The following FNDC1 variants were observed in gnomAD, a reference collection of about 807,000 sequenced individuals.
The protein encoded by FNDC1 is fibronectin type III domain containing 1.
FNDC1 carries 96 observed loss-of-function variants against 168.0 expected under a neutral mutation model. The ratio of observed to expected loss-of-function variants is 0.57; its 90% CI spans 0.48 to 0.68. The LOEUF (loss-of-function observed/expected upper bound fraction) is 0.68. FNDC1 is among the 30% of genes least tolerant of loss of function. The pLI, the probability that FNDC1 is intolerant of heterozygous loss-of-function variation, is 0.00. For synonymous variants in FNDC1, 1,099 were observed against 1,025.9 expected (o/e 1.07, Z -1.36); for missense variants, 2,587 against 2,482.1 (o/e 1.04, Z -0.90).
intron 13 of FNDC1, among the ~76,000 whole-genome samples, chr6:159,239,284 C>CT (rs1783344484): frequency 6.6e-6 from 1 of 152,190 alleles, no homozygotes; most frequent in Admixed American, 6.5e-5. Context: ...CAAAGTAACA[C>CT]TTTTCCCCCT....
chr6:159,222,705 TCAC>T (rs1562643189), intron 6 of FNDC1, among the ~76,000 whole-genome samples: 1 of 152,226 alleles, frequency 6.6e-6, no homozygotes, highest in African/African-American at 2.4e-5. Flanking sequence ...TGTCTTGGAC[TCAC>T]ACCTTCTAAA....
intron 1 of FNDC1, among the ~76,000 whole-genome samples, chr6:159,181,461 G>A (rs987416070): frequency 6.6e-6 from 1 of 152,188 alleles, no homozygotes; most frequent in African/African-American, 2.4e-5. Flanking sequence ...CTGCGGGCAG[G>A]GCACTGTGCT....
In FNDC1 at chr6:159,239,801, A is replaced by G; in HGVS notation, c.4465A>G (p.Thr1489Ala). The G allele has an allele frequency of 5.2e-6, 8 of 1,546,036 alleles. No homozygotes were observed. Among genetic ancestry groups the G allele is most frequent in the Non-Finnish European group, 7.0e-6 (8 of 1,143,066 alleles). Reference sequence around the variant, plus strand: ...CCGCACGACCACCAGGCGTCCAACAACCACAGTCCGAACCACTACGCGGAC... The same window carrying G: ...CCGCACGACCACCAGGCGTCCAACAGCCACAGTCCGAACCACTACGCGGAC... ...TRRTTTRRPT[T>A]TVRTTTRTTT... is the part of the protein sequence containing the mutation. The change falls in exon 14 of 23, where the codon ACC (threonine) becomes GCC (alanine). Residue 1489 changes from threonine (T) to alanine (A), a missense_variant. Coordinates refer to ENST00000297267, the MANE Select transcript of FNDC1 (RefSeq NM_032532.3).
At chr6:159,197,379 C>T (rs746663060) in intron 1 of FNDC1, 52 bp from the exon 2 acceptor site, 30 of 1,493,658 alleles carry the variant, frequency 2.0e-5, no homozygotes, top group Non-Finnish European at 2.4e-5. Flanking sequence ...TAAAAAAATT[C>T]GTTTTCCCAA....
chr6:159,258,543 T>C (rs531341426), intron 18 of FNDC1, among the ~76,000 whole-genome samples: 2 of 152,082 alleles, frequency 1.3e-5, no homozygotes, highest in Non-Finnish European at 2.9e-5. Flanking sequence ...AGGAGGCCGA[T>C]TGGGAGGAAG....
At position 159,234,511 on chromosome 6, in the gene FNDC1, AGGTGTTCAGT is replaced by A. The variant is rs763357742; in HGVS notation, c.3967+41_3967+50del. 44 of 1,606,422 alleles carry A rather than the reference AGGTGTTCAGT, an allele frequency of 2.7e-5. No individual in the cohort carries two copies. The Admixed American group carries it at 4.0e-4, about 15-fold the overall frequency. ...TATTTTTTCAAACAGTCTTTCTTTAAGGTGTTCAGTGGTGTTCATGGCAATGCCTAAGAAG... is the reference window on the plus strand; with the variant it reads ...TATTTTTTCAAACAGTCTTTCTTTAAGGTGTTCATGGCAATGCCTAAGAAG... On this transcript the variant is annotated intron_variant, in intron 11 of 22. Coordinates refer to ENST00000297267, the MANE Select transcript of FNDC1 (RefSeq NM_032532.3).
rs1782276103 is a variant in FNDC1 at position 159,197,596 on chromosome 6, A to G, written c.275A>G (p.Glu92Gly). The change falls in exon 2 of 23, where the codon GAG (glutamate) becomes GGG (glycine). Residue 92 changes from glutamate (E) to glycine (G), a missense_variant. Coordinates refer to ENST00000297267, the MANE Select transcript of FNDC1 (RefSeq NM_032532.3). The stretch of plus-strand genomic sequence containing the variant: ...CTTAAATACATCAAGGTGAATGCGG[A>G]GACATACTCCTTCCTTATTGAGGAT... ...KSLKYIKVNA[E>G]TYSFLIEDVE... 6.2e-7 allele frequency: 1 copy of G among 1,613,134 alleles called. No homozygotes were observed. Among genetic ancestry groups the G allele is most frequent in the South Asian group, 1.1e-5 (1 of 90,854 alleles).
At chr6:159,200,122 T>C (rs1318612673) in intron 3 of FNDC1, 40 bp downstream of exon 3, 1 of 1,423,434 alleles carries the variant, frequency 7.0e-7, no homozygotes, top group Admixed American at 1.9e-5. Context: ...GTGTTGTTAC[T>C]TAGATTGGGA....
intron 1 of FNDC1, among the ~76,000 whole-genome samples, chr6:159,194,820 G>A (rs1782211029): frequency 6.6e-6 from 1 of 152,146 alleles, no homozygotes. Context: ...CACTGCGGGT[G>A]AGAGGCAGGG....
chr6:159,223,689 T>G (rs758294095), intron 7 of FNDC1, 44 bp downstream of exon 7: 1 of 1,143,016 alleles, frequency 8.7e-7, no homozygotes, highest in East Asian at 2.4e-5. Context: ...AGAGATGGGG[T>G]TTTTCTGGCC....
intron 22 of FNDC1, among the ~76,000 whole-genome samples, chr6:159,270,810 G>T (rs1164900666): frequency 6.6e-6 from 1 of 152,188 alleles, no homozygotes; most frequent in South Asian, 2.1e-4. Context: ...TGTAAGAATG[G>T]GGCAGGAATC....
intron 18 of FNDC1, among the ~76,000 whole-genome samples, chr6:159,258,487 C>T (rs1421753484): frequency 6.6e-6 from 1 of 152,122 alleles, no homozygotes; most frequent in Non-Finnish European, 1.5e-5. Flanking sequence ...AGGCTGTGCT[C>T]CCAGCAGAGA....
At chr6:159,238,499 A>G (rs1241569133) in intron 12 of FNDC1, 55 bp from the exon 13 acceptor site, 32 of 1,231,514 alleles carry the variant, frequency 2.6e-5, no homozygotes, top group Non-Finnish European at 3.6e-5. Flanking sequence ...TAATTGGACT[A>G]ATGTGATCAT....
At chr6:159,258,617 C>T (rs1777420354) in intron 18 of FNDC1, among the ~76,000 whole-genome samples, 1 of 152,216 alleles carries the variant, frequency 6.6e-6, no homozygotes, top group Admixed American at 6.5e-5. Flanking sequence ...ACGCTCAGTG[C>T]CTTGAGGCAG....
intron 5 of FNDC1, 129 bp from the exon 6 acceptor site, chr6:159,221,468 TA>T: frequency 1.4e-6 from 1 of 694,598 alleles, no homozygotes. Flanking sequence ...GAAGTGGGAA[TA>T]CCCCCAGAAA....
chr6:159,223,462 C>G, intron 6 of FNDC1, 66 bp from the exon 7 acceptor site: 1 of 939,886 alleles, frequency 1.1e-6, no homozygotes, highest in South Asian at 1.5e-5. Context: ...CTGTCAAGGA[C>G]TGAGGAGCTC....
chr6:159,217,705 G>A (rs903171717), intron 5 of FNDC1, among the ~76,000 whole-genome samples: 14 of 152,280 alleles, frequency 9.2e-5, no homozygotes, highest in African/African-American at 3.4e-4. Flanking sequence ...GGTGGCGTAG[G>A]CAGCCGAGAG....
Position 159,232,859 on chromosome 6 carries a change from G to C in FNDC1, c.2347G>C (p.Ala783Pro), listed in dbSNP as rs146014542. The C allele has an allele frequency of 1.4e-3, 2,198 of 1,613,716 alleles. 1 individual carries two copies. Among genetic ancestry groups the C allele is most frequent in the Non-Finnish European group, 1.7e-3 (1,960 of 1,179,884 alleles). ...GACGCAGGTCTCTGAGGGAGCGGAG[G>C]CTTCTGATGGTGAAAGCCACGGTGA... is the stretch of plus-strand genomic sequence containing the variant. Reference protein sequence around the residue: ...SRTQVSEGAEASDGESHGDGD... With the variant: ...SRTQVSEGAEPSDGESHGDGD... Residue 783 changes from alanine (A) to proline (P), a missense_variant, in exon 11 of 23, where the codon GCT (alanine) becomes CCT (proline). Coordinates refer to ENST00000297267, the MANE Select transcript of FNDC1 (RefSeq NM_032532.3). This position sits in a 1 kb window ranked among gnomAD's most constrained non-coding sequence, Gnocchi z 4.9.
In FNDC1 at chr6:159,189,558, A is replaced by G. The variant is rs376711331; in HGVS notation, c.110-7873A>G. On this transcript the variant is annotated intron_variant, in intron 1 of 22. Coordinates refer to ENST00000297267, the MANE Select transcript of FNDC1 (RefSeq NM_032532.3). ...TAGGCAAGCAGGACGCTTTGGATTC[A>G]CTTATTCTTACTTCAGGGAACCCTG... 8.9e-4 allele frequency among the ~76,000 whole-genome samples: 135 copies of G among 152,306 alleles called. 4 individuals carry two copies. In the South Asian group the frequency reaches 0.027, roughly 30 times the overall value.
Sources: allele counts gnomAD v4.1 joint callset (sites outside exome capture counted in the v4.1 genomes callset), GRCh38; gene constraint gnomAD v4.1.1; non-coding constraint Gnocchi (gnomAD v3.1); transcripts MANE v1.5; gene names NCBI Gene and HGNC (gene_info 2026-07-23, HGNC 2026-07-21).